The following GDPD5 variants were observed in gnomAD, a reference collection of about 807,000 sequenced individuals.
GDPD5 encodes the protein glycerophosphodiester phosphodiesterase domain containing 5, also known as glycerophosphodiester phosphodiesterase 2.
GDPD5 carries 48 observed loss-of-function variants against 75.1 expected under a neutral mutation model. The observed-to-expected ratio is 0.64, with a 90% CI of 0.51 to 0.81. GDPD5 has a LOEUF of 0.81. GDPD5 is among the 40% of genes least tolerant of loss of function. The pLI is 0.00. For synonymous variants in GDPD5, 336 were observed against 339.0 expected (o/e 0.99, Z 0.10); for missense variants, 706 against 822.6 (o/e 0.86, Z 1.73).
At chr11:75,443,050 G>T in intron 11 of GDPD5, 86 bp downstream of exon 11, 1 of 1,486,474 alleles carries the variant, frequency 6.7e-7, no homozygotes, top group Non-Finnish European at 9.2e-7. Context: ...GGGTCTCGAA[G>T]CTGATGGCCA....
chr11:75,448,245 GA>G (rs1412253988), intron 9 of GDPD5, among the ~76,000 whole-genome samples: 5 of 152,206 alleles, frequency 3.3e-5, no homozygotes, highest in African/African-American at 1.2e-4. Flanking sequence ...GCTCCAGAGA[GA>G]TGGCCCTGCC....
At chr11:75,443,027 G>A (rs943339447) in intron 11 of GDPD5, 109 bp downstream of exon 11, 14 of 1,321,642 alleles carry the variant, frequency 1.1e-5, no homozygotes, top group Non-Finnish European at 1.4e-5. Flanking sequence ...GGTCGCGAAA[G>A]CTCTGAGAGT....
chr11:75,477,790 C>A lies in GDPD5; in HGVS notation c.-55G>T. 1 of 1,291,022 alleles carries A rather than the reference C, an allele frequency of 7.7e-7. No homozygotes were observed. The highest frequency in any genetic ancestry group is 1.5e-5 in the South Asian group (1 of 68,478). The allele number at this position is 1,291,022 out of a possible 1,614,324, so 80.0% of individuals were successfully genotyped here. A position where few individuals can be genotyped will look rare whatever the true frequency, so the allele number is the denominator to read the frequency against. ...CTCAGGCGCCCATGGAGGCCCCCAGCTTGTCCTGCAGGAGGAAGCACAGGG... is the reference window on the plus strand; with the variant it reads ...CTCAGGCGCCCATGGAGGCCCCCAGATTGTCCTGCAGGAGGAAGCACAGGG... On this transcript the variant is annotated 5_prime_UTR_variant, in exon 3 of 17. Coordinates refer to ENST00000336898, the MANE Select transcript of GDPD5 (RefSeq NM_030792.8).
intron 4 of GDPD5, among the ~76,000 whole-genome samples, chr11:75,462,442 G>GCCT (rs1366910699): frequency 6.6e-6 from 1 of 152,166 alleles, no homozygotes; most frequent in Non-Finnish European, 1.5e-5. Context: ...CAGTTCCCAT[G>GCCT]CCTCCTCCTC....
In GDPD5 at chr11:75,514,488, C is replaced by A. The variant is rs770663699; in HGVS notation, c.-145+10722G>T. Among the ~76,000 whole-genome samples the A allele has an allele frequency of 1.1e-3, 163 of 152,368 alleles. 1 individual carries two copies. The highest frequency in any genetic ancestry group is 4.4e-4 in the Non-Finnish European group (30 of 68,036). Reference sequence around the variant, plus strand: ...CCCAGCCCAGGGCTCTCTGCACGGGCCCAAAGTCACCCCTTTTGGAGCATG... The same window carrying A: ...CCCAGCCCAGGGCTCTCTGCACGGGACCAAAGTCACCCCTTTTGGAGCATG... On this transcript the variant is annotated intron_variant, in intron 1 of 16. Transcript: ENST00000336898.
At chr11:75,463,253 C>T (rs1207453397) in intron 3 of GDPD5, among the ~76,000 whole-genome samples, 1 of 152,234 alleles carries the variant, frequency 6.6e-6, no homozygotes, top group Non-Finnish European at 1.5e-5. Flanking sequence ...CCCTCACACA[C>T]ATGCCTACAA....
At chr11:75,484,446 A>C (rs1949981484) in intron 2 of GDPD5, among the ~76,000 whole-genome samples, 1 of 152,178 alleles carries the variant, frequency 6.6e-6, no homozygotes, top group African/African-American at 2.4e-5. Flanking sequence ...TTCTGGAAAC[A>C]ACTCTAGTTC....
intron 1 of GDPD5, among the ~76,000 whole-genome samples, chr11:75,498,188 G>C (rs1039264697): frequency 1.3e-5 from 2 of 152,174 alleles, no homozygotes; most frequent in African/African-American, 4.8e-5. Context: ...GAGAGTTAAG[G>C]GTGGATCCCA....
chr11:75,478,036 T>G (rs1949817311), intron 2 of GDPD5, among the ~76,000 whole-genome samples: 1 of 152,198 alleles, frequency 6.6e-6, no homozygotes. Context: ...ACCTCTTCCA[T>G]GTTCTTCACT....
intron 5 of GDPD5, 81 bp from the exon 6 acceptor site, chr11:75,456,897 A>G (rs2135265181): frequency 1.4e-6 from 2 of 1,391,146 alleles, no homozygotes; most frequent in African/African-American, 2.8e-5. Context: ...CCTGCTCCCC[A>G]CTGCGGCTCT....
chr11:75,450,527 ACACATCGC>A (rs1183853218), intron 6 of GDPD5: 1 of 156,654 alleles, frequency 6.4e-6, no homozygotes, highest in African/African-American at 2.4e-5. Flanking sequence ...GGGTGGTGAA[ACACATCGC>A]CACCTGCCCC....
intron 1 of GDPD5, chr11:75,507,085 G>C (rs1950415928): frequency 6.6e-6 from 1 of 152,580 alleles, no homozygotes; most frequent in Admixed American, 6.5e-5. Flanking sequence ...ACTCCCTGGG[G>C]AACTTCTGGG....
chr11:75,453,394 G>A (rs1444391711), intron 6 of GDPD5, among the ~76,000 whole-genome samples: 4 of 152,058 alleles, frequency 2.6e-5, no homozygotes, highest in African/African-American at 9.7e-5. Flanking sequence ...CGAGGTGGGC[G>A]GATCACGAGG....
At chr11:75,440,782 C>T (rs1018895748) in intron 14 of GDPD5, among the ~76,000 whole-genome samples, 11 of 151,916 alleles carry the variant, frequency 7.2e-5, no homozygotes. Context: ...AGTCTTGTAC[C>T]CCTGGGCTCC....
intron 15 of GDPD5, 85 bp from the exon 16 acceptor site, chr11:75,437,133 G>A (rs753096399): frequency 1.5e-4 from 149 of 980,736 alleles, no homozygotes; most frequent in Non-Finnish European, 2.2e-4. Context: ...AGCCTCTCTG[G>A]ATGTGGCCCA....
chr11:75,473,489 T>G (rs1322242918), intron 3 of GDPD5, among the ~76,000 whole-genome samples: 1 of 152,030 alleles, frequency 6.6e-6, no homozygotes, highest in Non-Finnish European at 1.5e-5. Flanking sequence ...CTCCCCAGCC[T>G]GCATCCCTGT....
At chr11:75,441,410 A>G in intron 13 of GDPD5, 100 bp from the exon 14 acceptor site, 3 of 1,453,394 alleles carry the variant, frequency 2.1e-6, no homozygotes. Context: ...CCTCACAGCC[A>G]TGCCCGGGGC....
At chr11:75,488,734 C>A (rs528642009) in intron 2 of GDPD5, among the ~76,000 whole-genome samples, 1 of 152,224 alleles carries the variant, frequency 6.6e-6, no homozygotes, top group South Asian at 2.1e-4. Context: ...CCCACTGCCT[C>A]CTCCTTTTTG....
chr11:75,449,972 C>A lies in GDPD5; in HGVS notation c.387G>T (p.Val129=), dbSNP rs1267636235. Residue 129 remains valine (V), a synonymous_variant, in exon 7 of 17, where the codon GTG becomes GTT. Transcript: ENST00000336898. ...CCACCACCGTGGAAGCCAGGATGACCACCAGCCCGATCTGGAGGGGGAAGA... is the reference window on the plus strand; with the variant it reads ...CCACCACCGTGGAAGCCAGGATGACAACCAGCCCGATCTGGAGGGGGAAGA... ...NLHWLHKIGL[V]VILASTVVAM... 4 of 1,613,554 alleles carry A rather than the reference C, an allele frequency of 2.5e-6. No homozygotes were observed. Among genetic ancestry groups the A allele is most frequent in the Admixed American group, 1.7e-5 (1 of 60,006 alleles).
Sources: allele counts gnomAD v4.1 joint callset (sites outside exome capture counted in the v4.1 genomes callset), GRCh38; gene constraint gnomAD v4.1.1; transcripts MANE v1.5; gene names NCBI Gene and HGNC (gene_info 2026-07-23, HGNC 2026-07-21).